Variants in CDH4 observed in about 807,000 individuals in gnomAD.
CDH4 encodes cadherin 4.
A neutral mutation model predicts 86.0 loss-of-function variants in CDH4; 33 were observed. The ratio of observed to expected loss-of-function variants is 0.38; its 90% CI spans 0.29 to 0.51. The LOEUF (loss-of-function observed/expected upper bound fraction) is 0.51, where lower values mean the gene tolerates loss of function less well. Ranked by LOEUF, CDH4 falls within the 20% of genes least tolerant of loss-of-function variation. The probability of loss-of-function intolerance (pLI) is 0.86; values close to 1 mark genes in which losing one functional copy is unlikely to be tolerated. For missense variants in CDH4, 1,114 were observed against 1,307.4 expected (o/e 0.85, Z 2.28); for synonymous variants, 555 against 549.4 (o/e 1.01, Z -0.14).
rs1427394389 is a variant in CDH4 at position 61,709,336 on chromosome 20, G to A, written c.170-34227G>A. On this transcript the variant is annotated intron_variant, in intron 2 of 15. Transcript: ENST00000614565. The surrounding 1 kb of genome is among the most constrained non-coding windows in gnomAD (Gnocchi z 4.8). ...GTTGCCCAGGCTGTAGTGCAGTGGG[G>A]TGATCTTGGCTCACTGCAACCTCCG... is the stretch of plus-strand genomic sequence containing the variant. Among the ~76,000 whole-genome samples, 1 of 152,170 alleles carries A rather than the reference G, an allele frequency of 6.6e-6. No individual in the cohort carries two copies. Among genetic ancestry groups the A allele is most frequent in the Non-Finnish European group, 1.5e-5 (1 of 68,030 alleles).
At chr20:61,294,675 C>T (rs1330437475) in intron 2 of CDH4, among the ~76,000 whole-genome samples, 1 of 152,226 alleles carries the variant, frequency 6.6e-6, no homozygotes, top group Non-Finnish European at 1.5e-5. Context: ...CCCCTGTCGC[C>T]CACTCCAGCA....
At chr20:61,504,856 T>C (rs2085729291) in intron 2 of CDH4, among the ~76,000 whole-genome samples, 1 of 152,230 alleles carries the variant, frequency 6.6e-6, no homozygotes, top group African/African-American at 2.4e-5. Context: ...TCCATACCCG[T>C]ACACGCGTCC....
chr20:61,644,775 GGGCAGCCCACCGTCAGCCAGGAAC>G (rs1271183423), intron 2 of CDH4, among the ~76,000 whole-genome samples: 46 of 150,262 alleles, frequency 3.1e-4, no homozygotes, highest in Admixed American at 1.1e-3. Flanking sequence ...GCATAGGAAG[GGGCAGCCCACCGTCAGCCAGGAAC>G]AGCAGTCCAC....
At chr20:61,492,117 GTCGATA>G (rs2085629902) in intron 2 of CDH4, among the ~76,000 whole-genome samples, 1 of 151,832 alleles carries the variant, frequency 6.6e-6, no homozygotes, top group Non-Finnish European at 1.5e-5. Context: ...TGTTGGTGGT[GTCGATA>G]TTGTTAATGT....
At chr20:61,278,235 C>T (rs2084240927) in intron 2 of CDH4, among the ~76,000 whole-genome samples, 1 of 152,184 alleles carries the variant, frequency 6.6e-6, no homozygotes, top group Admixed American at 6.5e-5. Context: ...GAGAATTGGG[C>T]ACCTCTGTAA....
intron 7 of CDH4, among the ~76,000 whole-genome samples, chr20:61,887,773 C>A (rs996018967): frequency 6.6e-6 from 1 of 152,216 alleles, no homozygotes; most frequent in Non-Finnish European, 1.5e-5. Context: ...CCTTTCCTGC[C>A]GGCCCGTGTC....
At chr20:61,537,413 C>T (rs765481683) in intron 2 of CDH4, among the ~76,000 whole-genome samples, 2 of 152,146 alleles carry the variant, frequency 1.3e-5, no homozygotes, top group Non-Finnish European at 2.9e-5. Context: ...AGCACGTGGC[C>T]GGTGATGTGT....
At chr20:61,475,452 T>C (rs1204710365) in intron 2 of CDH4, among the ~76,000 whole-genome samples, 4 of 38,612 alleles carry the variant, frequency 1.0e-4, no homozygotes, top group Admixed American at 3.5e-4. Context: ...GGAATTTACC[T>C]CCCCCCCTCT....
chr20:61,302,340 A>G (rs1461855170), intron 2 of CDH4, among the ~76,000 whole-genome samples: 4 of 152,224 alleles, frequency 2.6e-5, no homozygotes, highest in East Asian at 1.9e-4. Context: ...CTGCCAATTC[A>G]TTATGCGTTT....
At chr20:61,467,458 A>G (rs1342833356) in intron 2 of CDH4, among the ~76,000 whole-genome samples, 6 of 152,212 alleles carry the variant, frequency 3.9e-5, no homozygotes, top group Admixed American at 1.3e-4. Context: ...GATAAGTAAT[A>G]GAATATTTTG....
At chr20:61,747,163 C>T (rs907731972) in intron 3 of CDH4, among the ~76,000 whole-genome samples, 5 of 152,066 alleles carry the variant, frequency 3.3e-5, no homozygotes, top group African/African-American at 7.2e-5. Context: ...CCACAGGGAC[C>T]GGGCGCGGTG....
Position 61,903,128 on chromosome 20 carries a change from ACATT to A in CDH4, c.1189-7277_1189-7274del, listed in dbSNP as rs748599295. Reference sequence around the variant, plus strand: ...GCCAGGCCTTGTTCATTATGTTTGCACATTCATTCATTCATTCATTATTTCACCC... The same window carrying A: ...GCCAGGCCTTGTTCATTATGTTTGCACATTCATTCATTCATTATTTCACCC... On this transcript the variant is annotated intron_variant, in intron 8 of 15. Transcript: ENST00000614565. 5.9e-5 allele frequency among the ~76,000 whole-genome samples: 9 copies of A among 152,120 alleles called. No individual in the cohort carries two copies. The South Asian group carries it at 1.2e-3, about 21-fold the overall frequency.
intron 4 of CDH4, among the ~76,000 whole-genome samples, chr20:61,834,332 G>T (rs1375164516): frequency 6.6e-6 from 1 of 152,192 alleles, no homozygotes; most frequent in African/African-American, 2.4e-5. Flanking sequence ...GGGGTCTGGG[G>T]TCTGGCCTCC....
chr20:61,562,971 G>A (rs1020358563), intron 2 of CDH4, among the ~76,000 whole-genome samples: 2 of 152,276 alleles, frequency 1.3e-5, no homozygotes, highest in East Asian at 3.9e-4. Flanking sequence ...CCAGGAGCAC[G>A]GCTGGGTCCA....
At chr20:61,325,776 A>G (rs933296445) in intron 2 of CDH4, among the ~76,000 whole-genome samples, 4 of 152,194 alleles carry the variant, frequency 2.6e-5, no homozygotes, top group Non-Finnish European at 5.9e-5. Context: ...AAAGAGTTCC[A>G]TGGCCATCAG....
chr20:61,761,745 C>T (rs180737185), intron 3 of CDH4, among the ~76,000 whole-genome samples: 8 of 152,228 alleles, frequency 5.3e-5, no homozygotes, highest in East Asian at 3.9e-4. Context: ...CAGAAGACGC[C>T]GTGGCCTCAG....
intron 2 of CDH4, among the ~76,000 whole-genome samples, chr20:61,386,069 C>A (rs2084949437): frequency 1.3e-5 from 2 of 152,154 alleles, no homozygotes; most frequent in Non-Finnish European, 2.9e-5. Context: ...CAGGAGCAGA[C>A]CCCCTACCTT....
chr20:61,358,636 G>A (rs960938931), intron 2 of CDH4, among the ~76,000 whole-genome samples: 7 of 152,178 alleles, frequency 4.6e-5, no homozygotes, highest in African/African-American at 1.2e-4. Flanking sequence ...TACACAGAGA[G>A]GGTCAAATGC....
rs905541740 is a variant in CDH4 at position 61,917,203 on chromosome 20, C to G, written c.1375-6248C>G. On this transcript the variant is annotated intron_variant, in intron 9 of 15. Coordinates refer to ENST00000614565, the MANE Select transcript of CDH4 (RefSeq NM_001794.5). ...CGGGGATGAGGAATGCGCCTTGCCACCTCCCAGGCTCTACCTGAGGTGGGC... is the reference window on the plus strand; with the variant it reads ...CGGGGATGAGGAATGCGCCTTGCCAGCTCCCAGGCTCTACCTGAGGTGGGC... Among the ~76,000 whole-genome samples, 3 of 152,220 alleles carry G rather than the reference C, an allele frequency of 2.0e-5. No individual in the cohort carries two copies. The East Asian group carries it at 5.8e-4, about 29-fold the overall frequency.
Sources: gnomAD v4.1 joint callset for allele counts (sites outside exome capture counted in the v4.1 genomes callset) on GRCh38, gnomAD v4.1.1 for gene constraint, Gnocchi (gnomAD v3.1) non-coding constraint, MANE v1.5 for transcripts, NCBI Gene and HGNC (gene_info 2026-07-23, HGNC 2026-07-21) for gene names.